Variants in RYR3 observed in about 807,000 individuals in gnomAD.
RYR3 encodes ryanodine receptor 3.
Under a neutral mutation model 584.3 loss-of-function variants are expected in RYR3, and 207 were observed. The observed-to-expected ratio is 0.35, with a 90% CI of 0.32 to 0.40. RYR3 has a LOEUF of 0.40. Among genes scored for constraint, RYR3 ranks in the 10% least tolerant of loss-of-function variants. The pLI is 1.00. For synonymous variants in RYR3, 2,416 were observed against 2,248.5 expected (o/e 1.07, Z -2.11); for missense variants, 5,616 against 6,089.2 (o/e 0.92, Z 2.59).
intron 1 of RYR3, among the ~76,000 whole-genome samples, chr15:33,463,021 A>G (rs1250762461): frequency 6.6e-6 from 1 of 151,658 alleles, no homozygotes; most frequent in East Asian, 1.9e-4. Context: ...AAAACACAAA[A>G]ATTAGCCAGG....
rs1236157363 is a variant in RYR3, at chr15:33,697,954, G to A, written c.6207G>A (p.Val2069=). 1 of 1,613,784 alleles carries A rather than the reference G, an allele frequency of 6.2e-7. No homozygotes were observed. The highest frequency in any genetic ancestry group is 1.7e-5 in the Admixed American group (1 of 60,028). The part of the protein sequence containing the change: ...LMRVLGMHET[V]MEVMVNVLGT... ...GAGTCCTGGGCATGCACGAGACGGT[G>A]ATGGAGGTGATGGTGAACGTGTTGG... The change falls in exon 40 of 104, where the codon GTG becomes GTA. Residue 2069 remains valine, a synonymous_variant. Coordinates refer to ENST00000634891, the MANE Select transcript of RYR3 (RefSeq NM_001036.6).
chr15:33,662,411 C>A lies in RYR3; in HGVS notation c.4881C>A (p.Asn1627Lys). 6.2e-7 allele frequency: 1 copy of A among 1,613,890 alleles called. No homozygotes were observed. Among genetic ancestry groups the A allele is most frequent in the South Asian group, 1.1e-5 (1 of 91,044 alleles). Residue 1627 changes from asparagine to lysine, a missense_variant, in exon 35 of 104, where the codon AAC becomes AAA. This residue lies in a region of RYR3 where 753 missense variants were observed against 741.0 expected (regional missense o/e 1.02). Coordinates refer to ENST00000634891, the MANE Select transcript of RYR3 (RefSeq NM_001036.6). ...AGGAGAGGAAGCTGATGATGAAGAACGAGTACATCATCCCCATTACCAGCA... is the reference window on the plus strand; with the variant it reads ...AGGAGAGGAAGCTGATGATGAAGAAAGAGTACATCATCCCCATTACCAGCA... The part of the protein sequence containing the change: ...SAKERKLMMK[N>K]EYIIPITSTT...
At chr15:33,602,584 C>A (rs751334216) in intron 17 of RYR3, among the ~76,000 whole-genome samples, 2 of 152,076 alleles carry the variant, frequency 1.3e-5, no homozygotes, top group Admixed American at 1.3e-4. Flanking sequence ...ATTTCAGCAT[C>A]GTTGCCCATG....
chr15:33,479,813 C>T (rs540726184), intron 2 of RYR3, among the ~76,000 whole-genome samples: 4 of 152,304 alleles, frequency 2.6e-5, no homozygotes, highest in African/African-American at 9.6e-5. Flanking sequence ...CCTCCCACAA[C>T]TTTTCTACAT....
chr15:33,607,410 A>G (rs1464507649), intron 18 of RYR3, among the ~76,000 whole-genome samples: 2 of 152,062 alleles, frequency 1.3e-5, no homozygotes, highest in African/African-American at 4.8e-5. Flanking sequence ...AAACCAGGGG[A>G]CGGTTTTTCC....
chr15:33,351,662 A>AT (rs1279792463), intron 1 of RYR3, among the ~76,000 whole-genome samples: 1 of 151,166 alleles, frequency 6.6e-6, no homozygotes, highest in Admixed American at 6.6e-5. Context: ...CAAAAACCAC[A>AT]TGATTATCTC....
chr15:33,449,892 G>C lies in RYR3; in HGVS notation c.52-23527G>C, dbSNP rs370006252. 4.6e-5 allele frequency among the ~76,000 whole-genome samples: 7 copies of C among 152,124 alleles called. No individual in the cohort carries two copies. The East Asian group carries it at 1.2e-3, about 25-fold the overall frequency. ...AAATCCTGGGTGGGACTGGGAGGAG[G>C]GGGACAAAGGCAGCCGAGGAAGTAG... On this transcript the variant is annotated intron_variant, in intron 1 of 103. Transcript: ENST00000634891.
intron 1 of RYR3, among the ~76,000 whole-genome samples, chr15:33,314,357 C>T (rs542480543): frequency 6.6e-6 from 1 of 152,272 alleles, no homozygotes; most frequent in African/African-American, 2.4e-5. Context: ...AGCAGATAAA[C>T]CTGCCAGCCG....
chr15:33,762,011 A>G (rs930463876), intron 60 of RYR3, among the ~76,000 whole-genome samples: 9 of 152,218 alleles, frequency 5.9e-5, no homozygotes, highest in South Asian at 2.1e-4. Context: ...CAAAAACCAC[A>G]TGATTATCTC....
At chr15:33,585,966 G>A (rs368842769) in intron 15 of RYR3, 32 bp from the exon 16 acceptor site, 100 of 1,378,558 alleles carry the variant, frequency 7.3e-5, no homozygotes, top group South Asian at 3.5e-5. Flanking sequence ...GGCATTTAAT[G>A]TCCAAATTTG....
chr15:33,805,543 T>C (rs987218140), intron 69 of RYR3, among the ~76,000 whole-genome samples: 12 of 151,418 alleles, frequency 7.9e-5, no homozygotes, highest in South Asian at 2.1e-4. Flanking sequence ...AGTGGTGCGA[T>C]CTCGGCTCAC....
chr15:33,604,436 TTTG>T (rs1175463592), intron 18 of RYR3, among the ~76,000 whole-genome samples: 2 of 152,238 alleles, frequency 1.3e-5, no homozygotes, highest in East Asian at 1.9e-4. Flanking sequence ...TATGGATTTT[TTTG>T]TTGTTGTTAT....
Position 33,426,173 on chromosome 15 carries a change from A to G in RYR3, c.52-47246A>G, listed in dbSNP as rs1032598358. Among the ~76,000 whole-genome samples, 28 of 152,230 alleles carry G rather than the reference A, an allele frequency of 1.8e-4. 1 individual carries two copies. Among genetic ancestry groups the G allele is most frequent in the African/African-American group, 5.5e-4 (23 of 41,458 alleles). On this transcript the variant is annotated intron_variant, in intron 1 of 103. Transcript: ENST00000634891. Reference sequence around the variant, plus strand: ...AAGCATTCTTTGTAAAGTAGATGTAAAACTTACGAGCTTCTTGACAGGTGA... The same window carrying G: ...AAGCATTCTTTGTAAAGTAGATGTAGAACTTACGAGCTTCTTGACAGGTGA...
chr15:33,827,319 C>T, intron 85 of RYR3, 32 bp downstream of exon 85: 2 of 1,528,990 alleles, frequency 1.3e-6, no homozygotes, highest in Non-Finnish European at 1.8e-6. Context: ...AATGGGACCT[C>T]TCACCTTTGC....
At chr15:33,539,188 G>A in intron 5 of RYR3, 162 bp from the exon 6 acceptor site, 1 of 550,942 alleles carries the variant, frequency 1.8e-6, no homozygotes. Flanking sequence ...GAGCAGATGG[G>A]GGGCTGTCTG....
chr15:33,646,058 T>G (rs1245649672), intron 28 of RYR3, among the ~76,000 whole-genome samples: 1 of 152,236 alleles, frequency 6.6e-6, no homozygotes, highest in Non-Finnish European at 1.5e-5. Context: ...AACACTATGC[T>G]GTGTCTCCCA....
intron 6 of RYR3, 62 bp downstream of exon 6, chr15:33,539,524 G>C: frequency 1.0e-6 from 1 of 999,942 alleles, no homozygotes; most frequent in Middle Eastern, 2.1e-4. Context: ...GGAATAGATG[G>C]CCATGAAGAA....
chr15:33,808,403 T>C (rs7174798), intron 70 of RYR3, among the ~76,000 whole-genome samples: 31,772 of 152,164 alleles, frequency 0.21, 4,028 homozygotes, highest in African/African-American at 0.35. Context: ...GCATTTATGA[T>C]TAGAAGGACA....
chr15:33,785,747 C>T lies in RYR3; in HGVS notation c.9354C>T (p.Ala3118=), dbSNP rs759031318. The change falls in exon 66 of 104, where the codon GCC becomes GCT. Residue 3118 remains alanine, a synonymous_variant. Transcript: ENST00000634891. The part of the protein sequence containing the change: ...EGLMKEINDL[A]ESGARYTEMP... ...TGATGAAGGAAATCAACGACCTGGC[C>T]GAGTCAGGGGCCCGGTACACAGAGA... 1.5e-5 allele frequency: 25 copies of T among 1,613,918 alleles called. No homozygotes were observed. The highest frequency in any genetic ancestry group is 6.7e-5 in the East Asian group (3 of 44,874).
Sources: gnomAD v4.1 joint callset for allele counts (sites outside exome capture counted in the v4.1 genomes callset) on GRCh38, gnomAD v4.1.1 for gene constraint, gnomAD v4.1.1 regional missense constraint, MANE v1.5 for transcripts, NCBI Gene and HGNC (gene_info 2026-07-23, HGNC 2026-07-21) for gene names.